Variants in TMPRSS15 observed in about 807,000 individuals in gnomAD.
The protein encoded by TMPRSS15 is transmembrane serine protease 15.
Under a neutral mutation model 125.3 loss-of-function variants are expected in TMPRSS15, and 128 were observed. The ratio of observed to expected loss-of-function variants is 1.02; its 90% CI spans 0.89 to 1.18. The LOEUF is 1.18. Among genes scored for constraint, TMPRSS15 ranks in the 50% most tolerant of loss-of-function variants. TMPRSS15 has a pLI of 0.00. For missense variants in TMPRSS15, 1,283 were observed against 1,212.7 expected (o/e 1.06, Z -0.86); for synonymous variants, 446 against 423.2 (o/e 1.05, Z -0.66).
At chr21:18,345,241 C>T (rs1052494299) in intron 10 of TMPRSS15, among the ~76,000 whole-genome samples, 1 of 152,070 alleles carries the variant, frequency 6.6e-6, no homozygotes, top group African/African-American at 2.4e-5. Flanking sequence ...ACACATTACT[C>T]CTATTTTATA....
Position 18,294,439 on chromosome 21 carries a change from C to T in TMPRSS15, c.2317G>A (p.Gly773Arg). ...ATGTCTTGAGCTGCCAGTTTTTTTC[C>T]ACAAGCTATTAAAATAATTGGAGAA... Reference protein sequence around the residue: ...IRLQCNHKSCGKKLAAQDITP... With the variant: ...IRLQCNHKSCRKKLAAQDITP... The change falls in exon 21 of 25, where the codon GGA becomes AGA. Residue 773 changes from glycine (G) to arginine (R), a missense_variant. Physicochemically the swap from Gly to Arg is moderately radical, Grantham distance 125 (BLOSUM62 -2). Coordinates refer to ENST00000284885, the MANE Select transcript of TMPRSS15 (RefSeq NM_002772.3). 1 of 1,614,180 alleles carries T rather than the reference C, an allele frequency of 6.2e-7. No individual in the cohort carries two copies. Among genetic ancestry groups the T allele is most frequent in the Non-Finnish European group, 8.5e-7 (1 of 1,180,032 alleles).
intron 1 of TMPRSS15, among the ~76,000 whole-genome samples, chr21:18,436,572 G>A (rs1187226451): frequency 6.6e-6 from 1 of 151,432 alleles, no homozygotes; most frequent in Non-Finnish European, 1.5e-5. Context: ...TCCTTAAGCT[G>A]ATAAGCAACT....
chr21:18,328,457 C>T (rs1278731881), intron 15 of TMPRSS15, among the ~76,000 whole-genome samples: 1 of 152,126 alleles, frequency 6.6e-6, no homozygotes, highest in Non-Finnish European at 1.5e-5. Flanking sequence ...ATCCGATGTA[C>T]ACATAAAGAG....
chr21:18,275,213 C>T lies in TMPRSS15; in HGVS notation c.2888G>A (p.Gly963Glu), dbSNP rs1191771691. 6.2e-7 allele frequency: 1 copy of T among 1,613,886 alleles called. No homozygotes were observed. Among genetic ancestry groups the T allele is most frequent in the Non-Finnish European group, 8.5e-7 (1 of 1,179,968 alleles). Residue 963 changes from glycine (G) to glutamate (E), a missense_variant, in exon 24 of 25, where the codon GGA (glycine) becomes GAA (glutamate). Coordinates refer to ENST00000284885, the MANE Select transcript of TMPRSS15 (RefSeq NM_002772.3). Reference sequence around the variant, plus strand: ...CATCTTTACCTGACAAGAATCTATTCCTCCTTCTTCATAGCCTGCACATAT... The same window carrying T: ...CATCTTTACCTGACAAGAATCTATTTCTCCTTCTTCATAGCCTGCACATAT... Reference protein sequence around the residue: ...NMICAGYEEGGIDSCQGDSGG... With the variant: ...NMICAGYEEGEIDSCQGDSGG...
In TMPRSS15 at chr21:18,390,473, A is replaced by C. The variant is rs57497758; in HGVS notation, c.345-6695T>G. Among the ~76,000 whole-genome samples, 382 of 152,334 alleles carry C rather than the reference A, an allele frequency of 2.5e-3. 1 individual carries two copies. Among genetic ancestry groups the C allele is most frequent in the African/African-American group, 9.1e-3 (377 of 41,580 alleles). ...TCATTCATTTGCTAAGACTTTATAG[A>C]ATACATATGCTGTGGTGGGCATTAG... On this transcript the variant is annotated intron_variant, in intron 3 of 24. Transcript: ENST00000284885.
chr21:18,346,304 C>T (rs528723402), intron 10 of TMPRSS15, among the ~76,000 whole-genome samples: 3 of 152,120 alleles, frequency 2.0e-5, no homozygotes, highest in Non-Finnish European at 4.4e-5. Context: ...CTCTGGTTAA[C>T]AGATGCCAGA....
intron 7 of TMPRSS15, among the ~76,000 whole-genome samples, chr21:18,364,884 C>T (rs896594590): frequency 5.9e-5 from 9 of 152,114 alleles, no homozygotes; most frequent in African/African-American, 2.2e-4. Context: ...ATAATGTCCA[C>T]CACAGAAAAA....
intron 1 of TMPRSS15, among the ~76,000 whole-genome samples, chr21:18,446,419 C>A (rs2076255905): frequency 6.6e-6 from 1 of 151,920 alleles, no homozygotes; most frequent in South Asian, 2.1e-4. Flanking sequence ...ATCAAAATAC[C>A]AAGAAAGTTC....
chr21:18,293,981 G>A (rs2074869479), intron 21 of TMPRSS15, among the ~76,000 whole-genome samples: 1 of 152,096 alleles, frequency 6.6e-6, no homozygotes, highest in Non-Finnish European at 1.5e-5. Flanking sequence ...CTTACCTTTT[G>A]AATTGGCAAA....
chr21:18,292,179 T>C (rs749715487), intron 21 of TMPRSS15, among the ~76,000 whole-genome samples: 1 of 152,220 alleles, frequency 6.6e-6, no homozygotes, highest in African/African-American at 2.4e-5. Context: ...ATCAATGGAA[T>C]AATAAATTTT....
chr21:18,343,443 T>A, intron 12 of TMPRSS15, 63 bp downstream of exon 12: 6 of 1,427,120 alleles, frequency 4.2e-6, no homozygotes, highest in Non-Finnish European at 2.9e-6. Flanking sequence ...ACTGTATCAT[T>A]CTAAATATAA....
At chr21:18,314,695 TA>T (rs138253927) in intron 17 of TMPRSS15, among the ~76,000 whole-genome samples, 5,514 of 152,256 alleles carry the variant, frequency 0.036, 123 homozygotes, top group Non-Finnish European at 0.054. Context: ...AAGTATCCAT[TA>T]CTCATAATGT....
intron 1 of TMPRSS15, among the ~76,000 whole-genome samples, chr21:18,463,518 C>A (rs1427768822): frequency 6.6e-6 from 1 of 151,912 alleles, no homozygotes; most frequent in African/African-American, 2.4e-5. Flanking sequence ...CTTTAACACC[C>A]CACTGTCGCT....
Position 18,294,277 on chromosome 21 carries a change from C to A in TMPRSS15, c.2479G>T (p.Val827Leu), listed in dbSNP as rs145507332. Reference protein sequence around the residue: ...SDWLVSAAHCVYGRNLEPSKW... With the variant: ...SDWLVSAAHCLYGRNLEPSKW... ...ACTTGACATCACACTCACCCATACACGCAGTGTGCGGCGGACACCAGCCAG... is the reference window on the plus strand; with the variant it reads ...ACTTGACATCACACTCACCCATACAAGCAGTGTGCGGCGGACACCAGCCAG... The change falls in exon 21 of 25, where the codon GTG becomes TTG. Residue 827 changes from valine to leucine, a missense_variant. Val to Leu is a conservative substitution (Grantham distance 32). Coordinates refer to ENST00000284885, the MANE Select transcript of TMPRSS15 (RefSeq NM_002772.3). 5 of 1,614,194 alleles carry A rather than the reference C, an allele frequency of 3.1e-6. No homozygotes were observed. Among genetic ancestry groups the A allele is most frequent in the Non-Finnish European group, 4.2e-6 (5 of 1,180,044 alleles).
At chr21:18,379,384 A>C (rs539906764) in intron 4 of TMPRSS15, 66 bp from the exon 5 acceptor site, 1 of 708,644 alleles carries the variant, frequency 1.4e-6, no homozygotes, top group Non-Finnish European at 2.1e-6. Flanking sequence ...AATTTATTGT[A>C]TATTCATTCT....
At chr21:18,441,573 C>T (rs761948228) in intron 1 of TMPRSS15, among the ~76,000 whole-genome samples, 7 of 145,340 alleles carry the variant, frequency 4.8e-5, no homozygotes, top group Non-Finnish European at 7.5e-5. Context: ...TGCCACTGCA[C>T]CCCAGCCTGG....
chr21:18,399,163 G>C (rs1368325596), intron 1 of TMPRSS15, among the ~76,000 whole-genome samples: 1 of 151,916 alleles, frequency 6.6e-6, no homozygotes, highest in Non-Finnish European at 1.5e-5. Context: ...CAATAATCTG[G>C]TGCGAGAAGA....
At chr21:18,278,714 TCC>T (rs1347303425) in intron 23 of TMPRSS15, among the ~76,000 whole-genome samples, 2 of 152,092 alleles carry the variant, frequency 1.3e-5, no homozygotes, top group Non-Finnish European at 2.9e-5. Context: ...ATTGCGAGAC[TCC>T]GTCTCAAAAA....
rs970746225 is a variant in TMPRSS15 at position 18,351,584 on chromosome 21, C to T, written c.1171+1319G>A. Among the ~76,000 whole-genome samples the T allele has an allele frequency of 8.5e-5, 13 of 152,166 alleles. 1 individual carries two copies. In the East Asian group the frequency reaches 1.7e-3, roughly 20 times the overall value. ...ACTCACTGTCTCTTGCCTGCAGCCA[C>T]GTAAGACGTGTCTGCTTTGCCTTCT... On this transcript the variant is annotated intron_variant, in intron 10 of 24. Transcript: ENST00000284885.
Sources: allele counts gnomAD v4.1 joint callset (sites outside exome capture counted in the v4.1 genomes callset), GRCh38; gene constraint gnomAD v4.1.1; transcripts MANE v1.5; gene names NCBI Gene and HGNC (gene_info 2026-07-23, HGNC 2026-07-21).